The following RERE variants were observed in gnomAD, a reference collection of about 807,000 sequenced individuals.
RERE encodes arginine-glutamic acid dipeptide repeats protein.
Under a neutral mutation model 146.1 loss-of-function variants are expected in RERE, and 40 were observed. The observed-to-expected ratio is 0.27, with a 90% CI of 0.21 to 0.36. The LOEUF (loss-of-function observed/expected upper bound fraction) is 0.36. RERE is among the 10% of genes least tolerant of loss of function. RERE has a pLI of 1.00. For synonymous variants in RERE, 1,003 were observed against 866.0 expected (o/e 1.16, Z -2.78); for missense variants, 1,933 against 2,138.7 (o/e 0.90, Z 1.90).
chr1:8,763,940 A>T (rs74792050), intron 1 of RERE, among the ~76,000 whole-genome samples: 3 of 35,724 alleles, frequency 8.4e-5, no homozygotes, highest in South Asian at 7.4e-4. Flanking sequence ...ACTCCGTCTA[A>T]AAAAAAAAAA....
rs1383278587 is a variant in RERE, at chr1:8,610,688, C to T, written c.522+3873G>A. Among the ~76,000 whole-genome samples, 6 of 152,138 alleles carry T rather than the reference C, an allele frequency of 3.9e-5. No individual in the cohort carries two copies. In the South Asian group the frequency reaches 6.2e-4, roughly 16 times the overall value. On this transcript the variant is annotated intron_variant, in intron 4 of 22. Coordinates refer to ENST00000400908, the MANE Select transcript of RERE (RefSeq NM_001042681.2). ...ATGCTTATTGTATGCTTGCTATATG[C>T]TAAGTATGGTGCTAAGAAATTTAAT...
chr1:8,621,967 A>G (rs183550856), intron 3 of RERE, among the ~76,000 whole-genome samples: 1 of 152,388 alleles, frequency 6.6e-6, no homozygotes, highest in African/African-American at 2.4e-5. Context: ...CACAACAACT[A>G]TGAGGATGTG....
intron 10 of RERE, among the ~76,000 whole-genome samples, chr1:8,470,299 G>C (rs1340965095): frequency 1.3e-5 from 2 of 152,102 alleles, no homozygotes; most frequent in African/African-American, 4.8e-5. Context: ...GTCTCACTCT[G>C]TTGCCCAGGC....
intron 11 of RERE, among the ~76,000 whole-genome samples, chr1:8,440,330 T>C (rs1034981076): frequency 6.6e-6 from 1 of 151,872 alleles, no homozygotes; most frequent in African/African-American, 2.4e-5. Context: ...GCACGGCTCA[T>C]GCCTGTAATC....
intron 22 of RERE, 146 bp from the exon 23 acceptor site, chr1:8,355,266 T>TCC: frequency 8.9e-7 from 1 of 1,127,458 alleles, no homozygotes; most frequent in Non-Finnish European, 1.3e-6. Flanking sequence ...TCCCAACACC[T>TCC]CCCTTCCTCT....
intron 1 of RERE, among the ~76,000 whole-genome samples, chr1:8,666,645 T>C (rs1557468265): frequency 6.6e-6 from 1 of 152,250 alleles, no homozygotes; most frequent in African/African-American, 2.4e-5. Context: ...GGCATTCTCA[T>C]AAACAGTAAC....
intron 11 of RERE, among the ~76,000 whole-genome samples, chr1:8,444,168 AGTGCCC>A (rs1644288465): frequency 6.6e-6 from 1 of 152,178 alleles, no homozygotes; most frequent in African/African-American, 2.4e-5. Context: ...CAGAAGTGGA[AGTGCCC>A]AAGACCTTGG....
Position 8,355,053 on chromosome 1 carries a change from G to A in RERE, c.*34C>T. 6.3e-7 allele frequency: 1 copy of A among 1,594,516 alleles called. No individual in the cohort carries two copies. Among genetic ancestry groups the A allele is most frequent in the South Asian group, 1.1e-5 (1 of 89,910 alleles). On this transcript the variant is annotated 3_prime_UTR_variant, in exon 23 of 23. Coordinates refer to ENST00000400908, the MANE Select transcript of RERE (RefSeq NM_001042681.2). Reference sequence around the variant, plus strand: ...GTCCTGTTTCTCCCCCCAAGAACTGGGGTTTCCACAGCCAGCGTTAACAAA... The same window carrying A: ...GTCCTGTTTCTCCCCCCAAGAACTGAGGTTTCCACAGCCAGCGTTAACAAA...
chr1:8,487,635 G>T (rs920892089), intron 10 of RERE, among the ~76,000 whole-genome samples: 1 of 152,048 alleles, frequency 6.6e-6, no homozygotes, highest in Non-Finnish European at 1.5e-5. Context: ...AACTTTCTAA[G>T]ATTAGAAAGA....
chr1:8,631,494 T>C (rs1163944155), intron 2 of RERE, among the ~76,000 whole-genome samples: 3 of 152,226 alleles, frequency 2.0e-5, no homozygotes, highest in Non-Finnish European at 4.4e-5. Flanking sequence ...AATCATATGC[T>C]ATACAAACTT....
intron 2 of RERE, among the ~76,000 whole-genome samples, chr1:8,643,743 G>C (rs1403672953): frequency 6.6e-6 from 1 of 152,204 alleles, no homozygotes; most frequent in Non-Finnish European, 1.5e-5. Context: ...ACCTGCCACA[G>C]AGCATAATGT....
intron 4 of RERE, among the ~76,000 whole-genome samples, chr1:8,585,466 A>G (rs1646416312): frequency 6.6e-6 from 1 of 152,210 alleles, no homozygotes; most frequent in African/African-American, 2.4e-5. Context: ...TGCTCTTGCG[A>G]TAACATCTCT....
Position 8,361,338 on chromosome 1 carries a change from A to C in RERE, c.2169T>G (p.Ser723Arg). ...PSIPSPQDNE[S>R]DSDSSAQQQM... is the part of the protein sequence containing the mutation. The stretch of plus-strand genomic sequence containing the variant: ...GCTGCTGGGCTGACGAGTCCGAGTC[A>C]CTCTCATTGTCCTGGGGGCTGGGGA... Residue 723 changes from serine (S) to arginine (R), a missense_variant, in exon 18 of 23, where the codon AGT (serine) becomes AGG (arginine). Physicochemically the swap from Ser to Arg is moderately radical, Grantham distance 110. Transcript: ENST00000400908. The C allele has an allele frequency of 6.2e-7, 1 of 1,612,666 alleles. No individual in the cohort carries two copies. The highest frequency in any genetic ancestry group is 8.5e-7 in the Non-Finnish European group (1 of 1,179,394).
chr1:8,514,652 CG>C (rs1645388959), intron 7 of RERE, among the ~76,000 whole-genome samples: 1 of 151,602 alleles, frequency 6.6e-6, no homozygotes, highest in African/African-American at 2.4e-5. Flanking sequence ...TGCTTGAACC[CG>C]GGAGGCAGAG....
intron 4 of RERE, among the ~76,000 whole-genome samples, chr1:8,602,110 T>A (rs1646638706): frequency 6.6e-6 from 1 of 151,930 alleles, no homozygotes; most frequent in African/African-American, 2.4e-5. Flanking sequence ...TGAAAAGCAG[T>A]CTGGGTGCGG....
intron 12 of RERE, among the ~76,000 whole-genome samples, chr1:8,373,439 C>CT (rs1006753387): frequency 1.6e-4 from 24 of 152,104 alleles, no homozygotes; most frequent in African/African-American, 5.3e-4. Context: ...AGATCTAAAA[C>CT]TTTTTTTTAA....
At position 8,360,829 on chromosome 1, in the gene RERE, T is replaced by A. The variant is rs754419485; in HGVS notation, c.2678A>T (p.Tyr893Phe). 6 of 1,549,822 alleles carry A rather than the reference T, an allele frequency of 3.9e-6. No homozygotes were observed. Among genetic ancestry groups the A allele is most frequent in the Non-Finnish European group, 5.2e-6 (6 of 1,153,616 alleles). ...APLGTSPAAA[Y>F]PHTSLQLPAS... ...TGGCAGCTGCAGGGAGGTGTGAGGGTACGCTGCTGCTGGGGAGGTCCCCAG... is the reference window on the plus strand; with the variant it reads ...TGGCAGCTGCAGGGAGGTGTGAGGGAACGCTGCTGCTGGGGAGGTCCCCAG... The change falls in exon 18 of 23, where the codon TAC becomes TTC. Residue 893 changes from tyrosine to phenylalanine, a missense_variant. Tyr to Phe is a conservative substitution (Grantham distance 22). This residue lies in a region of RERE where 1,255 missense variants were observed against 1,153.8 expected (regional missense o/e 1.09). Coordinates refer to ENST00000400908, the MANE Select transcript of RERE (RefSeq NM_001042681.2).
At chr1:8,439,725 T>A (rs374501146) in intron 11 of RERE, among the ~76,000 whole-genome samples, 35 of 152,328 alleles carry the variant, frequency 2.3e-4, no homozygotes, top group African/African-American at 8.2e-4. Context: ...AGTAGCATCC[T>A]TAGGATAATG....
At chr1:8,651,613 C>T (rs185191642) in intron 2 of RERE, among the ~76,000 whole-genome samples, 4 of 151,838 alleles carry the variant, frequency 2.6e-5, no homozygotes, top group Admixed American at 6.6e-5. Flanking sequence ...ATAATCCCAG[C>T]ACTTTGGGAA....
Sources: gnomAD v4.1 joint callset for allele counts (sites outside exome capture counted in the v4.1 genomes callset) on GRCh38, gnomAD v4.1.1 for gene constraint, gnomAD v4.1.1 regional missense constraint, MANE v1.5 for transcripts, NCBI Gene and HGNC (gene_info 2026-07-23, HGNC 2026-07-21) for gene names.